Variants in GALNT3 observed in about 807,000 individuals in gnomAD.
GALNT3 encodes the protein GalNAc transferase 3.
A neutral mutation model predicts 69.8 loss-of-function variants in GALNT3; 51 were observed. The observed-to-expected ratio is 0.73, with a 90% CI of 0.58 to 0.92. The LOEUF is 0.92. GALNT3 is among the 40% of genes least tolerant of loss of function. The pLI is 0.00. For synonymous variants in GALNT3, 265 were observed against 248.5 expected (o/e 1.07, Z -0.63); for missense variants, 711 against 760.0 (o/e 0.94, Z 0.76).
intron 2 of GALNT3, among the ~76,000 whole-genome samples, chr2:165,765,748 A>ACACAC (rs1328831500): frequency 7.9e-5 from 12 of 152,148 alleles, no homozygotes; most frequent in Non-Finnish European, 1.6e-4. Flanking sequence ...TAGGCCTCCC[A>ACACAC]AAGTGCTGGG....
intron 9 of GALNT3, among the ~76,000 whole-genome samples, chr2:165,752,691 G>A (rs933476069): frequency 1.3e-5 from 2 of 152,160 alleles, no homozygotes; most frequent in African/African-American, 4.8e-5. Flanking sequence ...TAAAATAAAT[G>A]TAATGCTAGA....
intron 1 of GALNT3, among the ~76,000 whole-genome samples, chr2:165,792,126 T>G (rs1241201694): frequency 6.6e-6 from 1 of 152,208 alleles, no homozygotes; most frequent in Non-Finnish European, 1.5e-5. Context: ...ATGGATGGTT[T>G]GAGTATTGAA....
At chr2:165,753,415 TA>T (rs1303596034) in intron 9 of GALNT3, among the ~76,000 whole-genome samples, 1 of 151,816 alleles carries the variant, frequency 6.6e-6, no homozygotes, top group African/African-American at 2.4e-5. Flanking sequence ...TTTTTTTTTT[TA>T]ATGTTTTCAA....
chr2:165,772,411 C>A (rs1476756777), intron 1 of GALNT3, among the ~76,000 whole-genome samples: 1 of 151,424 alleles, frequency 6.6e-6, no homozygotes, highest in Non-Finnish European at 1.5e-5. Flanking sequence ...ATAGCAAGAC[C>A]CCATCCTACA....
At chr2:165,770,056 G>T in intron 2 of GALNT3, 130 bp downstream of exon 2, 1 of 1,021,728 alleles carries the variant, frequency 9.8e-7, no homozygotes, top group Non-Finnish European at 1.5e-6. Context: ...AATACAACAG[G>T]TTAAATAAAC....
intron 6 of GALNT3, among the ~76,000 whole-genome samples, chr2:165,758,304 C>G (rs1395206013): frequency 6.6e-6 from 1 of 152,152 alleles, no homozygotes; most frequent in East Asian, 1.9e-4. Flanking sequence ...GGAGTCTACC[C>G]AAAGCCTTTT....
chr2:165,755,142 T>G lies in GALNT3; in HGVS notation c.1393-79A>C, dbSNP rs1688424550. On this transcript the variant is annotated intron_variant, in intron 7 of 10. Transcript: ENST00000392701. ...GCACTTAAAATACTCTTATTTGTAT[T>G]TCTATTTAGGTATTTTTAAAAATCC... The G allele has an allele frequency of 3.9e-6, 5 of 1,290,666 alleles. No individual in the cohort carries two copies. In the Admixed American group the frequency reaches 8.8e-5, roughly 23 times the overall value. 80.0% of individuals were successfully genotyped at this position (1,290,666 alleles called of 1,614,324 possible).
chr2:165,785,750 C>T (rs1383513791), intron 1 of GALNT3, among the ~76,000 whole-genome samples: 3 of 151,990 alleles, frequency 2.0e-5, no homozygotes, highest in Admixed American at 2.0e-4. Context: ...AAAGAAATTC[C>T]GAACAACCAC....
intron 2 of GALNT3, among the ~76,000 whole-genome samples, chr2:165,768,014 C>G (rs934498823): frequency 1.3e-5 from 2 of 151,920 alleles, no homozygotes; most frequent in Non-Finnish European, 1.5e-5. Context: ...GCTGGGACTA[C>G]AGGCGCACAT....
intron 1 of GALNT3, among the ~76,000 whole-genome samples, chr2:165,780,861 T>C (rs1358229806): frequency 6.6e-6 from 1 of 152,138 alleles, no homozygotes; most frequent in African/African-American, 2.4e-5. Context: ...CAATGATATA[T>C]TGCTGTTGTA....
intron 3 of GALNT3, among the ~76,000 whole-genome samples, chr2:165,762,295 C>CATAAG (rs1288118437): frequency 1.1e-3 from 166 of 152,294 alleles, no homozygotes; most frequent in Admixed American, 3.5e-3. Flanking sequence ...TGTACACTTC[C>CATAAG]TATCAATAAA....
At chr2:165,792,039 T>A (rs1683365695) in intron 1 of GALNT3, among the ~76,000 whole-genome samples, 1 of 152,080 alleles carries the variant, frequency 6.6e-6, no homozygotes, top group Non-Finnish European at 1.5e-5. Context: ...GAGTCATGAG[T>A]CAAGCCACTG....
intron 1 of GALNT3, among the ~76,000 whole-genome samples, chr2:165,773,067 G>A (rs902215873): frequency 5.3e-5 from 8 of 152,202 alleles, no homozygotes; most frequent in African/African-American, 1.9e-4. Flanking sequence ...AGTCCAGGAA[G>A]TGGAATCAAA....
At chr2:165,758,570 A>C in intron 6 of GALNT3, 177 bp downstream of exon 6, 1 of 524,210 alleles carries the variant, frequency 1.9e-6, no homozygotes. Flanking sequence ...ACAATGAATA[A>C]ATATATTAAG....
chr2:165,791,255 CTG>C (rs71913828), intron 1 of GALNT3, among the ~76,000 whole-genome samples: 21,865 of 146,750 alleles, frequency 0.15, 1,863 homozygotes, highest in East Asian at 0.33. Context: ...GGGTGTGTGC[CTG>C]TGTGTGTGTG....
chr2:165,788,528 G>A lies in GALNT3; in HGVS notation c.-109+5487C>T, dbSNP rs1463396640. Among the ~76,000 whole-genome samples the A allele has an allele frequency of 2.7e-5, 4 of 149,926 alleles. No homozygotes were observed. In the East Asian group the frequency reaches 7.9e-4, roughly 30 times the overall value. On this transcript the variant is annotated intron_variant, in intron 1 of 10. Coordinates refer to ENST00000392701, the MANE Select transcript of GALNT3 (RefSeq NM_004482.4). ...GTGTATACAGACAAGAGCAAAAGCAGACTATATTTATATCGTATCAAGCAA... is the reference window on the plus strand; with the variant it reads ...GTGTATACAGACAAGAGCAAAAGCAAACTATATTTATATCGTATCAAGCAA...
At chr2:165,767,767 A>G (rs1359501815) in intron 2 of GALNT3, among the ~76,000 whole-genome samples, 1 of 152,192 alleles carries the variant, frequency 6.6e-6, no homozygotes, top group Non-Finnish European at 1.5e-5. Context: ...TGGCTTTGGG[A>G]GAAACTAGGT....
At position 165,756,966 on chromosome 2, in the gene GALNT3, T is replaced by C. The variant is rs577922450; in HGVS notation, c.1392+81A>G. The C allele has an allele frequency of 1.8e-5, 19 of 1,068,720 alleles. No homozygotes were observed. In the Admixed American group the frequency reaches 2.1e-4, roughly 12 times the overall value. The allele number at this position is 1,068,720 out of a possible 1,614,324, so 66.2% of individuals were successfully genotyped here. On this transcript the variant is annotated intron_variant, in intron 7 of 10. Transcript: ENST00000392701. ...TACTTTCAAATTTTTTGATGTTTTG[T>C]ACTTGAGATGAATCGACGCAAAAGG...
chr2:165,787,925 T>C (rs1428321968), intron 1 of GALNT3, among the ~76,000 whole-genome samples: 2 of 152,046 alleles, frequency 1.3e-5, no homozygotes, highest in Non-Finnish European at 2.9e-5. Flanking sequence ...CAAAATAAAA[T>C]AGAATTCAAA....
Sources: allele counts gnomAD v4.1 joint callset (sites outside exome capture counted in the v4.1 genomes callset), GRCh38; gene constraint gnomAD v4.1.1; transcripts MANE v1.5; gene names NCBI Gene and HGNC (gene_info 2026-07-23, HGNC 2026-07-21).